The following COL4A1 variants were observed in gnomAD, a reference collection of about 807,000 sequenced individuals.
The protein encoded by COL4A1 is collagen alpha-1(IV) chain.
Under a neutral mutation model 216.6 loss-of-function variants are expected in COL4A1, and 40 were observed. That is an observed-to-expected ratio of 0.18 (90% CI 0.14 to 0.24). The LOEUF (loss-of-function observed/expected upper bound fraction) is 0.24. COL4A1 is among the 10% of genes least tolerant of loss of function. The pLI is 1.00. For synonymous variants in COL4A1, 839 were observed against 810.7 expected, an observed-to-expected ratio of 1.03 and a Z score of -0.59; for missense variants, 1,628 against 2,196.8, an observed-to-expected ratio of 0.74 and a Z score of 5.18.
Position 110,306,997 on chromosome 13 carries a change from G to A in COL4A1, c.31C>T (p.Leu11=), listed in dbSNP as rs956388056. The change falls in exon 1 of 52, where the codon CTG becomes TTG. Residue 11 remains leucine (L), a synonymous_variant. Transcript: ENST00000375820. MGPRLSVWLL[L]LPAALLLHEE... is the part of the protein sequence containing the mutation. Reference sequence around the variant, plus strand: ...TGGAGCAGAAGGGCGGCGGGCAGCAGCAGCAGCCAGACGCTGAGCCGGGGC... The same window carrying A: ...TGGAGCAGAAGGGCGGCGGGCAGCAACAGCAGCCAGACGCTGAGCCGGGGC... 3 of 1,477,670 alleles carry A rather than the reference G, an allele frequency of 2.0e-6. No homozygotes were observed. Among genetic ancestry groups the A allele is most frequent in the East Asian group, 2.9e-5 (1 of 34,698 alleles). 91.5% of individuals were successfully genotyped at this position (1,477,670 alleles called of 1,614,324 possible). A position where few individuals can be genotyped will look rare whatever the true frequency, so the allele number is the denominator to read the frequency against.
intron 42 of COL4A1, 39 bp downstream of exon 42, chr13:110,170,508 C>T (rs1413978817): frequency 9.0e-6 from 14 of 1,559,464 alleles, no homozygotes; most frequent in African/African-American, 1.4e-5. Context: ...TGAATTCTGT[C>T]CCAGTCCTCA....
Position 110,181,341 on chromosome 13 carries a change from C to G in COL4A1, c.2144G>C (p.Arg715Pro). The part of the protein sequence containing the change: ...GDMGPPGTPG[R>P]PGFNGLPGNP... ...CCCAGGTAAGCCATTAAATCCCGGG[C>G]GACCTGGAGTCCCCGGTGGCCCCAT... Residue 715 changes from arginine (R) to proline (P), a missense_variant, in exon 29 of 52, where the codon CGC (arginine) becomes CCC (proline). By Grantham distance (103) the Arg-to-Pro change is moderately radical (BLOSUM62 -2). This residue lies in a region of COL4A1 where 701 missense variants were observed against 892.5 expected (regional missense o/e 0.79). Transcript: ENST00000375820. The G allele has an allele frequency of 6.2e-7, 1 of 1,613,622 alleles. No individual in the cohort carries two copies. The highest frequency in any genetic ancestry group is 8.5e-7 in the Non-Finnish European group (1 of 1,179,874).
In COL4A1 at chr13:110,207,481, T is replaced by C. The variant is rs1412408657; in HGVS notation, c.702A>G (p.Gln234=). The C allele has an allele frequency of 1.2e-6, 2 of 1,613,932 alleles. No homozygotes were observed. Among genetic ancestry groups the C allele is most frequent in the Non-Finnish European group, 1.7e-6 (2 of 1,179,844 alleles). ...FQGPKGDKGD[Q]GVSGPPGVPG... The stretch of plus-strand genomic sequence containing the variant: ...GTACTCCTGGAGGCCCACTGACCCC[T>C]TGGTCACCCTGTCGACATAAAAATG... The change falls in exon 13 of 52, where the codon CAA becomes CAG. Residue 234 remains glutamine (Q), a synonymous_variant. Coordinates refer to ENST00000375820, the MANE Select transcript of COL4A1 (RefSeq NM_001845.6). This position sits in a 1 kb window ranked among gnomAD's most constrained non-coding sequence, Gnocchi z 4.4.
chr13:110,274,388 C>T (rs952280851), intron 1 of COL4A1, among the ~76,000 whole-genome samples: 1 of 152,144 alleles, frequency 6.6e-6, no homozygotes, highest in South Asian at 2.1e-4. Context: ...ATCTGATGCA[C>T]GTATAATTCA....
rs1160202342 is a variant in COL4A1 at position 110,195,943 on chromosome 13, C to T, written c.1286-825G>A. 2.0e-5 allele frequency among the ~76,000 whole-genome samples: 3 copies of T among 152,290 alleles called. No individual in the cohort carries two copies. In the East Asian group the frequency reaches 5.8e-4, roughly 29 times the overall value. ...AGTCTCTGTTCAGCTGTCACCTGGACGCCCTGAGTCCCAGACTATAGAAGG... is the reference window on the plus strand; with the variant it reads ...AGTCTCTGTTCAGCTGTCACCTGGATGCCCTGAGTCCCAGACTATAGAAGG... On this transcript the variant is annotated intron_variant, in intron 21 of 51. Transcript: ENST00000375820.
chr13:110,174,647 A>AC lies in COL4A1; in HGVS notation c.3300dup (p.Ser1101ValfsTer19). 1 of 1,613,846 alleles carries AC rather than the reference A, an allele frequency of 6.2e-7. No individual in the cohort carries two copies. The highest frequency in any genetic ancestry group is 8.5e-7 in the Non-Finnish European group (1 of 1,179,950). On this transcript the variant is annotated frameshift_variant, in exon 38 of 52. Coordinates refer to ENST00000375820, the MANE Select transcript of COL4A1 (RefSeq NM_001845.6). LOFTEE classifies it high-confidence loss of function. The stretch of plus-strand genomic sequence containing the variant: ...CCTGGATAGCCAACACTCCCGGGAG[A>AC]CCCTTTAAGGCCTGGGGACCCTGGC...
chr13:110,197,426 A>G (rs887765574), intron 21 of COL4A1, among the ~76,000 whole-genome samples: 1 of 152,038 alleles, frequency 6.6e-6, no homozygotes. Flanking sequence ...TCTGGAACCC[A>G]AAGGCCCCTT....
intron 33 of COL4A1, among the ~76,000 whole-genome samples, chr13:110,177,599 G>A (rs1485497209): frequency 6.6e-6 from 1 of 152,080 alleles, no homozygotes; most frequent in Non-Finnish European, 1.5e-5. Context: ...AATCTCATCT[G>A]TGCCAAGAAG....
rs567301225 is a variant in COL4A1, at chr13:110,222,589, T to C, written c.145-8574A>G. Among the ~76,000 whole-genome samples, 21 of 148,168 alleles carry C rather than the reference T, an allele frequency of 1.4e-4. 1 individual carries two copies. The highest frequency in any genetic ancestry group is 3.4e-4 in the African/African-American group (14 of 40,778). On this transcript the variant is annotated intron_variant, in intron 2 of 51. Coordinates refer to ENST00000375820, the MANE Select transcript of COL4A1 (RefSeq NM_001845.6). ...GAGATCGAGACCATCCTGGCTAACA[T>C]GGTGAAACCCCGTCTCTACTAAAAA...
Position 110,252,537 on chromosome 13 carries a change from TA to T in COL4A1, c.85-9804del, listed in dbSNP as rs1882149042. On this transcript the variant is annotated intron_variant, in intron 1 of 51. Coordinates refer to ENST00000375820, the MANE Select transcript of COL4A1 (RefSeq NM_001845.6). The stretch of plus-strand genomic sequence containing the variant: ...ATATATACGTATAATTATACGTATA[TA>T]TGTATTATATATACGTATAATTATA... 2.6e-3 allele frequency among the ~76,000 whole-genome samples: 26 copies of T among 9,912 alleles called. 4 individuals are homozygous for T. The South Asian group carries it at 0.21, about 80-fold the overall frequency. The allele number at this position is 9,912 out of a possible 152,430, so 6.5% of individuals were successfully genotyped here.
In COL4A1 at chr13:110,204,648, A is replaced by ATTT. The variant is rs377187830; in HGVS notation, c.957+702_957+704dup. Among the ~76,000 whole-genome samples the ATTT allele has an allele frequency of 8.0e-3, 1,146 of 142,970 alleles. 6 individuals carry two copies. Among genetic ancestry groups the ATTT allele is most frequent in the African/African-American group, 0.012 (459 of 38,766 alleles). The allele number at this position is 142,970 out of a possible 152,430, so 93.8% of individuals were successfully genotyped here. A position where few individuals can be genotyped will look rare whatever the true frequency, so the allele number is the denominator to read the frequency against. On this transcript the variant is annotated intron_variant, in intron 17 of 51. Transcript: ENST00000375820. Reference sequence around the variant, plus strand: ...TGTCAGATTGACAAATATTTTTTAGATTTTTTTTTTTTTTTAGTTAGTTCC... The same window carrying ATTT: ...TGTCAGATTGACAAATATTTTTTAGATTTTTTTTTTTTTTTTTTAGTTAGTTCC...
intron 2 of COL4A1, among the ~76,000 whole-genome samples, chr13:110,215,434 G>T (rs542984989): frequency 6.6e-6 from 1 of 151,908 alleles, no homozygotes; most frequent in Non-Finnish European, 1.5e-5. Flanking sequence ...AGTGGTGCAC[G>T]CCTGTAATCT....
chr13:110,268,592 T>C lies in COL4A1; in HGVS notation c.85-25858A>G, dbSNP rs1883129991. On this transcript the variant is annotated intron_variant, in intron 1 of 51. Coordinates refer to ENST00000375820, the MANE Select transcript of COL4A1 (RefSeq NM_001845.6). This position sits in a 1 kb window ranked among gnomAD's most constrained non-coding sequence, Gnocchi z 4.1. Reference sequence around the variant, plus strand: ...TGTGGCAGGGAAAATGCTTTTGAGCTTCAAGCCTCAGTTAAAATGCTGGCC... The same window carrying C: ...TGTGGCAGGGAAAATGCTTTTGAGCCTCAAGCCTCAGTTAAAATGCTGGCC... 6.6e-6 allele frequency among the ~76,000 whole-genome samples: 1 copy of C among 152,226 alleles called. No homozygotes were observed. Among genetic ancestry groups the C allele is most frequent in the African/African-American group, 2.4e-5 (1 of 41,458 alleles).
chr13:110,181,538 A>C, intron 28 of COL4A1, 149 bp from the exon 29 acceptor site: 1 of 798,976 alleles, frequency 1.3e-6, no homozygotes. Context: ...TGGCTGGAAG[A>C]GGCCAGGGGA....
At position 110,219,864 on chromosome 13, in the gene COL4A1, G is replaced by GTGTGTATATATATGTATATATA. The variant is rs1566385899; in HGVS notation, c.145-5850_145-5849insTATATATACATATATATACACA. On this transcript the variant is annotated intron_variant, in intron 2 of 51. Coordinates refer to ENST00000375820, the MANE Select transcript of COL4A1 (RefSeq NM_001845.6). ...TATATGTGTATATATATGTATATAT[G>GTGTGTATATATATGTATATATA]TGTGTGTATATATGTATATATATGT... Among the ~76,000 whole-genome samples the GTGTGTATATATATGTATATATA allele has an allele frequency of 1.9e-4, 10 of 53,002 alleles. 2 individuals carry two copies. The highest frequency in any genetic ancestry group is 1.1e-3 in the East Asian group (2 of 1,880). 34.8% of individuals were successfully genotyped at this position (53,002 alleles called of 152,430 possible).
At position 110,273,929 on chromosome 13, in the gene COL4A1, T is replaced by C. The variant is rs142167152; in HGVS notation, c.85-31195A>G. Among the ~76,000 whole-genome samples the C allele has an allele frequency of 2.0e-5, 3 of 152,300 alleles. No homozygotes were observed. In the East Asian group the frequency reaches 5.8e-4, roughly 29 times the overall value. Reference sequence around the variant, plus strand: ...AAGCACTAAATGATCCCATTTCCCTTCCTTTCTCACTACATTTCAAAAATC... The same window carrying C: ...AAGCACTAAATGATCCCATTTCCCTCCCTTTCTCACTACATTTCAAAAATC... On this transcript the variant is annotated intron_variant, in intron 1 of 51. Coordinates refer to ENST00000375820, the MANE Select transcript of COL4A1 (RefSeq NM_001845.6).
intron 2 of COL4A1, among the ~76,000 whole-genome samples, chr13:110,232,755 T>C (rs577681956): frequency 3.3e-5 from 5 of 152,276 alleles, no homozygotes; most frequent in Admixed American, 6.5e-5. Context: ...CCATTCGAGA[T>C]ACTTCATTTT....
chr13:110,188,085 C>A (rs1033729842), intron 24 of COL4A1, among the ~76,000 whole-genome samples: 1 of 152,146 alleles, frequency 6.6e-6, no homozygotes, highest in Non-Finnish European at 1.5e-5. Context: ...ACACCCATAC[C>A]CACCAATGGC....
chr13:110,230,243 A>ATGTG (rs375131572), intron 2 of COL4A1, among the ~76,000 whole-genome samples: 1 of 151,412 alleles, frequency 6.6e-6, no homozygotes. Context: ...TGTGGTATGT[A>ATGTG]TGTGTGTGTG....
Sources: gnomAD v4.1 joint callset for allele counts (sites outside exome capture counted in the v4.1 genomes callset) on GRCh38, gnomAD v4.1.1 for gene constraint, gnomAD v4.1.1 regional missense constraint, Gnocchi (gnomAD v3.1) non-coding constraint, MANE v1.5 for transcripts, NCBI Gene and HGNC (gene_info 2026-07-23, HGNC 2026-07-21) for gene names.